The following CNTNAP4 variants were observed in gnomAD, a reference collection of about 807,000 sequenced individuals.
CNTNAP4 encodes the protein contactin associated protein family member 4.
A neutral mutation model predicts 148.4 loss-of-function variants in CNTNAP4; 98 were observed. That is an observed-to-expected ratio of 0.66 (90% CI 0.56 to 0.78). CNTNAP4 has a LOEUF of 0.78. Among genes scored for constraint, CNTNAP4 ranks in the 30% least tolerant of loss-of-function variants. The pLI, the probability that CNTNAP4 is intolerant of heterozygous loss-of-function variation, is 0.00. For synonymous variants in CNTNAP4, 730 were observed against 565.1 expected, an observed-to-expected ratio of 1.29 and a Z score of -4.14; for missense variants, 1,935 against 1,565.6, an observed-to-expected ratio of 1.24 and a Z score of -3.98.
intron 1 of CNTNAP4, among the ~76,000 whole-genome samples, chr16:76,290,092 G>A (rs1325619743): frequency 6.6e-6 from 1 of 152,092 alleles, no homozygotes; most frequent in African/African-American, 2.4e-5. Flanking sequence ...ACTCCAAGGT[G>A]GTGAAGTGTG....
chr16:76,382,060 CAAAAAAAAAAAAAAAAAA>C (rs67028367), intron 3 of CNTNAP4, among the ~76,000 whole-genome samples: 2 of 53,316 alleles, frequency 3.8e-5, no homozygotes, highest in African/African-American at 7.6e-5. Context: ...GACTCCGTCT[CAAAAAAAAAAAAAAAAAA>C]AAAAAAAAAA....
At chr16:76,409,900 A>G (rs539391567) in intron 3 of CNTNAP4, among the ~76,000 whole-genome samples, 2 of 151,918 alleles carry the variant, frequency 1.3e-5, no homozygotes, top group Non-Finnish European at 2.9e-5. Context: ...ACAACACAAC[A>G]ATCACAACTG....
chr16:76,541,106 T>C (rs530506367), intron 21 of CNTNAP4, among the ~76,000 whole-genome samples: 1 of 152,278 alleles, frequency 6.6e-6, no homozygotes, highest in South Asian at 2.1e-4. Context: ...AATAACAAAG[T>C]ATGTATTAAT....
intron 3 of CNTNAP4, 21 bp downstream of exon 3, chr16:76,355,532 C>T (rs780948668): frequency 3.9e-6 from 6 of 1,557,366 alleles, no homozygotes; most frequent in Middle Eastern, 3.4e-4. Context: ...TAACAAAAGA[C>T]ATAGTCTCTC....
intron 4 of CNTNAP4, among the ~76,000 whole-genome samples, chr16:76,431,781 T>C (rs1049430225): frequency 6.7e-6 from 1 of 148,638 alleles, no homozygotes; most frequent in Non-Finnish European, 1.5e-5. Flanking sequence ...TCAAATTTGC[T>C]TTTTTTCTTT....
rs115947243 is a variant in CNTNAP4 at position 76,389,232 on chromosome 16, A to C, written c.390+33721A>C. ...GTGCTCAGGCAATGCAAATGGTTCC[A>C]TTTGTCTCATATAGATGTTAAGTAC... is the stretch of plus-strand genomic sequence containing the variant. On this transcript the variant is annotated intron_variant, in intron 3 of 23. Transcript: ENST00000611870. Among the ~76,000 whole-genome samples, 784 of 152,296 alleles carry C rather than the reference A, an allele frequency of 5.1e-3. 9 individuals carry two copies. Among genetic ancestry groups the C allele is most frequent in the African/African-American group, 0.018 (741 of 41,560 alleles).
chr16:76,492,035 G>A (rs1032497277), intron 13 of CNTNAP4, among the ~76,000 whole-genome samples: 4 of 152,168 alleles, frequency 2.6e-5, no homozygotes, highest in African/African-American at 4.8e-5. Context: ...AATACTTCAT[G>A]ATCCCACTTA....
At chr16:76,469,105 ATACT>A (rs2081279471) in intron 10 of CNTNAP4, among the ~76,000 whole-genome samples, 1 of 152,204 alleles carries the variant, frequency 6.6e-6, no homozygotes, top group African/African-American at 2.4e-5. Flanking sequence ...ACACTAATAA[ATACT>A]TCATTATGTC....
At chr16:76,449,567 T>C (rs1398540975) in intron 6 of CNTNAP4, 148 bp from the exon 7 acceptor site, 2 of 619,916 alleles carry the variant, frequency 3.2e-6, no homozygotes, top group Non-Finnish European at 5.1e-6. Context: ...CATAAATTTG[T>C]TTTAAATCTA....
At chr16:76,489,289 TATA>T (rs2082128560) in intron 12 of CNTNAP4, among the ~76,000 whole-genome samples, 1 of 152,132 alleles carries the variant, frequency 6.6e-6, no homozygotes, top group Non-Finnish European at 1.5e-5. Context: ...GTTTTGTAGT[TATA>T]ATAGGCAGCA....
At chr16:76,344,622 C>T (rs1334323021) in intron 2 of CNTNAP4, among the ~76,000 whole-genome samples, 3 of 152,146 alleles carry the variant, frequency 2.0e-5, no homozygotes, top group South Asian at 2.1e-4. Flanking sequence ...AGGAATAACA[C>T]AAAATACTCC....
intron 7 of CNTNAP4, among the ~76,000 whole-genome samples, chr16:76,452,195 T>C (rs1049460364): frequency 1.3e-5 from 2 of 152,208 alleles, no homozygotes; most frequent in South Asian, 2.1e-4. Context: ...GAATTCACTT[T>C]TCACAGATTC....
intron 9 of CNTNAP4, among the ~76,000 whole-genome samples, chr16:76,466,330 C>T (rs1042203039): frequency 6.6e-6 from 1 of 151,954 alleles, no homozygotes; most frequent in Non-Finnish European, 1.5e-5. Flanking sequence ...ATGAATAAGA[C>T]CTACTATAGG....
At chr16:76,314,467 G>A (rs1961487888) in intron 1 of CNTNAP4, among the ~76,000 whole-genome samples, 1 of 152,204 alleles carries the variant, frequency 6.6e-6, no homozygotes, top group South Asian at 2.1e-4. Context: ...ACACACATAT[G>A]TATAGGATTA....
At chr16:76,520,958 T>A (rs1407387330) in intron 15 of CNTNAP4, among the ~76,000 whole-genome samples, 182 bp from the exon 16 acceptor site, 1 of 152,026 alleles carries the variant, frequency 6.6e-6, no homozygotes, top group Non-Finnish European at 1.5e-5. Flanking sequence ...TCCTGTAAAA[T>A]CTCTTATGAT....
At chr16:76,517,679 A>C (rs2083301235) in intron 15 of CNTNAP4, among the ~76,000 whole-genome samples, 1 of 152,244 alleles carries the variant, frequency 6.6e-6, no homozygotes, top group African/African-American at 2.4e-5. Context: ...TATCAAATTC[A>C]TATATTGCAC....
intron 17 of CNTNAP4, among the ~76,000 whole-genome samples, chr16:76,534,731 C>T (rs953959766): frequency 1.3e-5 from 2 of 152,042 alleles, no homozygotes; most frequent in Non-Finnish European, 2.9e-5. Flanking sequence ...AGCAAGCTAC[C>T]GAGTCTATTT....
chr16:76,293,171 C>T (rs528743053), intron 1 of CNTNAP4, among the ~76,000 whole-genome samples: 1 of 151,618 alleles, frequency 6.6e-6, no homozygotes, highest in Admixed American at 6.6e-5. Flanking sequence ...TGTTGCCAGG[C>T]TGGAGTGCAG....
At chr16:76,539,056 G>A (rs1201113065) in intron 19 of CNTNAP4, among the ~76,000 whole-genome samples, 1 of 151,568 alleles carries the variant, frequency 6.6e-6, no homozygotes, top group African/African-American at 2.4e-5. Flanking sequence ...AAGATTGTTC[G>A]ATAAGTGTAT....
Sources: gnomAD v4.1 joint callset for allele counts (sites outside exome capture counted in the v4.1 genomes callset) on GRCh38, gnomAD v4.1.1 for gene constraint, MANE v1.5 for transcripts, NCBI Gene and HGNC (gene_info 2026-07-23, HGNC 2026-07-21) for gene names.